The following RBFOX1 variants were observed in gnomAD, a reference collection of about 807,000 sequenced individuals.
RBFOX1 encodes RNA binding protein fox-1 homolog 1.
RBFOX1 carries 8 observed loss-of-function variants against 57.7 expected under a neutral mutation model. That is an observed-to-expected ratio of 0.14 (90% CI 0.08 to 0.25). The LOEUF (loss-of-function observed/expected upper bound fraction) is 0.25. Ranked by LOEUF, RBFOX1 falls within the 10% of genes least tolerant of loss-of-function variation. The pLI is 1.00. For synonymous variants in RBFOX1, 326 were observed against 222.4 expected (o/e 1.47, Z -4.15); for missense variants, 611 against 548.5 (o/e 1.11, Z -1.14).
chr16:6,649,890 C>G (rs913694822), intron 2 of RBFOX1, among the ~76,000 whole-genome samples: 1 of 152,106 alleles, frequency 6.6e-6, no homozygotes, highest in Non-Finnish European at 1.5e-5. Flanking sequence ...ATATACCACA[C>G]TTTCTTTTAT....
At chr16:7,027,337 T>C (rs1476453395) in intron 3 of RBFOX1, among the ~76,000 whole-genome samples, 1 of 152,240 alleles carries the variant, frequency 6.6e-6, no homozygotes, top group Non-Finnish European at 1.5e-5. Flanking sequence ...GAATTTTGTC[T>C]CTGTGCCAGG....
At chr16:6,409,520 G>A (rs536325375) in intron 2 of RBFOX1, among the ~76,000 whole-genome samples, 29 of 152,280 alleles carry the variant, frequency 1.9e-4, no homozygotes, top group Admixed American at 3.9e-4. Flanking sequence ...TTAATTACAT[G>A]AGTCTGTTCA....
intron 3 of RBFOX1, among the ~76,000 whole-genome samples, chr16:7,003,782 G>T (rs1015459224): frequency 1.6e-4 from 24 of 152,186 alleles, no homozygotes; most frequent in Non-Finnish European, 2.4e-4. Flanking sequence ...TTTATTAATA[G>T]AACTTTTTGG....
intron 4 of RBFOX1, among the ~76,000 whole-genome samples, chr16:7,101,038 G>A (rs2062602437): frequency 6.6e-6 from 1 of 152,166 alleles, no homozygotes; most frequent in African/African-American, 2.4e-5. Flanking sequence ...ATGGTACAAA[G>A]TTACCTATAT....
chr16:6,984,438 A>C (rs969252964), intron 3 of RBFOX1, among the ~76,000 whole-genome samples: 3 of 152,260 alleles, frequency 2.0e-5, no homozygotes, highest in South Asian at 2.1e-4. Flanking sequence ...ACGAACCATC[A>C]GGAAAACAAT....
At chr16:7,644,809 TG>T (rs775430156) in intron 11 of RBFOX1, among the ~76,000 whole-genome samples, 3 of 152,174 alleles carry the variant, frequency 2.0e-5, no homozygotes, top group Non-Finnish European at 2.9e-5. Context: ...TGATGGTAAC[TG>T]GTAACAGTTG....
chr16:6,904,291 G>A (rs1451173169), intron 3 of RBFOX1, among the ~76,000 whole-genome samples: 1 of 152,096 alleles, frequency 6.6e-6, no homozygotes, highest in Non-Finnish European at 1.5e-5. Context: ...GGCACGAGTG[G>A]TAGGCTTATG....
intron 1 of RBFOX1, among the ~76,000 whole-genome samples, chr16:6,071,663 C>T (rs151184082): frequency 1.3e-5 from 2 of 152,270 alleles, no homozygotes; most frequent in African/African-American, 2.4e-5. Flanking sequence ...TGACTATAAG[C>T]ACTACGTTGT....
chr16:7,021,959 T>G (rs1353725780), intron 3 of RBFOX1, among the ~76,000 whole-genome samples: 1 of 125,230 alleles, frequency 8.0e-6, no homozygotes, highest in East Asian at 2.3e-4. Context: ...TTTCTTTCTC[T>G]CTCTCTCTCC....
chr16:6,398,326 T>A lies in RBFOX1; in HGVS notation c.-64+81269T>A, dbSNP rs570590852. Among the ~76,000 whole-genome samples, 12 of 152,252 alleles carry A rather than the reference T, an allele frequency of 7.9e-5. No homozygotes were observed. In the East Asian group the frequency reaches 1.2e-3, roughly 15 times the overall value. The stretch of plus-strand genomic sequence containing the variant: ...CTCCTGGTCCTTTCCAAATCTCATG[T>A]CCTCACATTTAAAAACACAATTATT... On this transcript the variant is annotated intron_variant, in intron 2 of 15. Transcript: ENST00000550418.
chr16:6,746,238 T>G (rs1336415381), intron 3 of RBFOX1, among the ~76,000 whole-genome samples: 1 of 152,042 alleles, frequency 6.6e-6, no homozygotes, highest in Non-Finnish European at 1.5e-5. Flanking sequence ...CAGCAGGCCT[T>G]TTTTTCAATA....
In RBFOX1 at chr16:6,992,105, G is replaced by C. The variant is rs531783022; in HGVS notation, c.-15-59952G>C. ...TTCACCCATTCCTTAGGGAGAACGG[G>C]TGTAGCTGTCTCTTCCTTTCCAGTC... On this transcript the variant is annotated intron_variant, in intron 3 of 15. Coordinates refer to ENST00000550418, the MANE Select transcript of RBFOX1 (RefSeq NM_018723.4). Among the ~76,000 whole-genome samples the C allele has an allele frequency of 2.6e-5, 4 of 152,224 alleles. No homozygotes were observed. In the South Asian group the frequency reaches 8.3e-4, roughly 32 times the overall value.
intron 14 of RBFOX1, among the ~76,000 whole-genome samples, chr16:7,700,473 C>T (rs561046005): frequency 1.3e-5 from 2 of 152,278 alleles, no homozygotes; most frequent in South Asian, 2.1e-4. Context: ...TTCAACCCTG[C>T]TTCATGGAAG....
chr16:5,649,996 G>A (rs2049181031), intron 3 of RBFOX1, among the ~76,000 whole-genome samples: 1 of 152,184 alleles, frequency 6.6e-6, no homozygotes, highest in Non-Finnish European at 1.5e-5. Context: ...AGGCAGAGTC[G>A]ATGTTTTGCA....
chr16:5,357,629 G>C (rs1382895560), intron 1 of RBFOX1, among the ~76,000 whole-genome samples: 2 of 152,198 alleles, frequency 1.3e-5, no homozygotes, highest in East Asian at 3.9e-4. Flanking sequence ...CAAACTCCCA[G>C]GTGATGGTGA....
chr16:6,196,878 G>A (rs1237183104), intron 1 of RBFOX1, among the ~76,000 whole-genome samples: 1 of 151,166 alleles, frequency 6.6e-6, no homozygotes, highest in Non-Finnish European at 1.5e-5. Flanking sequence ...TTTCTGCATC[G>A]AGGTCATCTC....
At chr16:6,190,897 G>C (rs2097137366) in intron 1 of RBFOX1, among the ~76,000 whole-genome samples, 1 of 152,118 alleles carries the variant, frequency 6.6e-6, no homozygotes, top group African/African-American at 2.4e-5. Flanking sequence ...CTTGTGTGTG[G>C]TGTGACTGTA....
chr16:5,421,304 G>A (rs1482685501), intron 1 of RBFOX1, among the ~76,000 whole-genome samples: 2 of 152,138 alleles, frequency 1.3e-5, no homozygotes, highest in Non-Finnish European at 1.5e-5. Context: ...ACTGTGCCCG[G>A]CTATCATCCA....
intron 4 of RBFOX1, among the ~76,000 whole-genome samples, chr16:5,937,677 G>C (rs910254432): frequency 6.7e-6 from 1 of 149,086 alleles, no homozygotes; most frequent in Non-Finnish European, 1.5e-5. Flanking sequence ...ATAATATATA[G>C]TTATATGGTT....
Sources: allele counts gnomAD v4.1 joint callset (sites outside exome capture counted in the v4.1 genomes callset), GRCh38; gene constraint gnomAD v4.1.1; transcripts MANE v1.5; gene names NCBI Gene and HGNC (gene_info 2026-07-23, HGNC 2026-07-21).